The following MMP26 variants were observed in gnomAD, a reference collection of about 807,000 sequenced individuals.
MMP26 encodes the protein matrix metalloproteinase-26.
MMP26 carries 33 observed loss-of-function variants against 31.0 expected under a neutral mutation model. That is an observed-to-expected ratio of 1.06 (90% CI 0.81 to 1.42). The LOEUF is 1.42. Among genes scored for constraint, MMP26 ranks in the 40% most tolerant of loss-of-function variants. The pLI, the probability that MMP26 is intolerant of heterozygous loss-of-function variation, is 0.00. For missense variants in MMP26, 347 were observed against 316.1 expected, an observed-to-expected ratio of 1.10 and a Z score of -0.74; for synonymous variants, 122 against 114.9, an observed-to-expected ratio of 1.06 and a Z score of -0.40.
At chr11:4,866,649 A>G (rs1850238597) in intron 2 of MMP26, among the ~76,000 whole-genome samples, 1 of 152,174 alleles carries the variant, frequency 6.6e-6, no homozygotes, top group Non-Finnish European at 1.5e-5. Flanking sequence ...AAAAAGAGCA[A>G]AATTGGAGGC....
At chr11:4,961,226 A>G (rs546371187) in intron 2 of MMP26, among the ~76,000 whole-genome samples, 1 of 152,324 alleles carries the variant, frequency 6.6e-6, no homozygotes, top group East Asian at 1.9e-4. Context: ...CACAAAGTCA[A>G]TTTTGTGATA....
At chr11:4,764,484 G>C (rs1440803574) in intron 1 of MMP26, among the ~76,000 whole-genome samples, 1 of 152,158 alleles carries the variant, frequency 6.6e-6, no homozygotes, top group Non-Finnish European at 1.5e-5. Flanking sequence ...AGACAGTTAG[G>C]TATGCGACCC....
intron 2 of MMP26, among the ~76,000 whole-genome samples, chr11:4,983,503 G>A (rs961191683): frequency 5.3e-5 from 8 of 152,056 alleles, no homozygotes; most frequent in East Asian, 1.9e-4. Context: ...TCAAAATTAC[G>A]TTTTCTCATT....
intron 2 of MMP26, among the ~76,000 whole-genome samples, chr11:4,938,899 G>T (rs905911470): frequency 6.6e-6 from 1 of 152,056 alleles, no homozygotes; most frequent in African/African-American, 2.4e-5. Context: ...TGTATAGAAG[G>T]TAGTCTAAAT....
chr11:4,813,883 G>A (rs1849384309), intron 2 of MMP26, among the ~76,000 whole-genome samples: 1 of 151,866 alleles, frequency 6.6e-6, no homozygotes, highest in African/African-American at 2.4e-5. Flanking sequence ...AAGTCACAGA[G>A]AAAACATTCA....
chr11:4,837,036 A>G (rs944160804), intron 2 of MMP26, among the ~76,000 whole-genome samples: 1 of 152,102 alleles, frequency 6.6e-6, no homozygotes, highest in Non-Finnish European at 1.5e-5. Flanking sequence ...TACTACCTGT[A>G]TTTGCTTGAG....
At chr11:4,715,007 A>G (rs556488627) in intron 1 of MMP26, among the ~76,000 whole-genome samples, 1 of 152,126 alleles carries the variant, frequency 6.6e-6, no homozygotes, top group African/African-American at 2.4e-5. Flanking sequence ...TTCTTCCAGA[A>G]GCCACATATA....
chr11:4,783,121 C>T (rs958655487), intron 2 of MMP26, among the ~76,000 whole-genome samples: 5 of 152,182 alleles, frequency 3.3e-5, no homozygotes, highest in Admixed American at 2.0e-4. Context: ...ATCCTCCAGA[C>T]CCCAGAATGA....
intron 2 of MMP26, chr11:4,860,006 T>C (rs780729658): frequency 1.3e-5 from 6 of 470,916 alleles, no homozygotes; most frequent in Admixed American, 2.4e-5. Context: ...GCTAGCCGCA[T>C]CATGTTTTGG....
At chr11:4,748,475 C>G (rs937438346) in intron 1 of MMP26, among the ~76,000 whole-genome samples, 4 of 150,502 alleles carry the variant, frequency 2.7e-5, no homozygotes, top group African/African-American at 9.8e-5. Context: ...CAAAGCCAGG[C>G]ATGTACACAC....
chr11:4,991,872 T>G (rs1385551463), intron 6 of MMP26, 92 bp from the exon 7 acceptor site: 2 of 1,215,976 alleles, frequency 1.6e-6, no homozygotes, highest in Non-Finnish European at 2.2e-6. Context: ...CCTCGTTTTC[T>G]GTTCTCTCCT....
At chr11:4,863,541 A>AATGC (rs1361054953) in intron 2 of MMP26, 1 of 152,172 alleles carries the variant, frequency 6.6e-6, no homozygotes, top group Non-Finnish European at 1.5e-5. Context: ...TTTAATAAAA[A>AATGC]ATGCCCTAAG....
chr11:4,758,978 G>A (rs1004417585), intron 1 of MMP26, among the ~76,000 whole-genome samples: 3 of 151,706 alleles, frequency 2.0e-5, no homozygotes, highest in African/African-American at 7.3e-5. Flanking sequence ...GGGCATGGTG[G>A]TGCATGCCTG....
chr11:4,925,042 C>T (rs1851249440), intron 2 of MMP26, among the ~76,000 whole-genome samples: 2 of 152,146 alleles, frequency 1.3e-5, no homozygotes, highest in Non-Finnish European at 2.9e-5. Context: ...TAAAAGATAA[C>T]ATTTATTAAA....
At chr11:4,734,909 G>A (rs1848219464) in intron 1 of MMP26, among the ~76,000 whole-genome samples, 1 of 129,838 alleles carries the variant, frequency 7.7e-6, no homozygotes, top group African/African-American at 3.1e-5. Context: ...AGGGTGATGG[G>A]TCCCCAGTAT....
At chr11:4,723,714 A>G in intron 1 of MMP26, 6 of 1,046,428 alleles carry the variant, frequency 5.7e-6, no homozygotes, top group South Asian at 1.3e-5. Context: ...CCTGGCCCAG[A>G]GTGTCCAGTT....
chr11:4,985,370 T>C (rs1441641757), intron 2 of MMP26, among the ~76,000 whole-genome samples: 1 of 152,230 alleles, frequency 6.6e-6, no homozygotes, highest in Non-Finnish European at 1.5e-5. Context: ...ATACCATATT[T>C]GTCTAACAAC....
At chr11:4,795,450 A>G (rs1382226105) in intron 2 of MMP26, among the ~76,000 whole-genome samples, 1 of 152,234 alleles carries the variant, frequency 6.6e-6, no homozygotes, top group Non-Finnish European at 1.5e-5. Context: ...CCAAGTGATT[A>G]GAAAATTGTC....
rs147634593 is a variant in MMP26, at chr11:4,766,191, C to A, written c.-216-1079C>A. On this transcript the variant is annotated intron_variant, in intron 1 of 7. Transcript: ENST00000380390. ...GGGTTATAGTCTCTTTCTTATCTTA[C>A]TAGGCCCAGCACATTCCCAACAGAT... Among the ~76,000 whole-genome samples, 271 of 152,268 alleles carry A rather than the reference C, an allele frequency of 1.8e-3. 2 individuals are homozygous for A. Among genetic ancestry groups the A allele is most frequent in the African/African-American group, 6.2e-3 (259 of 41,536 alleles).
Sources: allele counts gnomAD v4.1 joint callset (sites outside exome capture counted in the v4.1 genomes callset), GRCh38; gene constraint gnomAD v4.1.1; transcripts MANE v1.5; gene names NCBI Gene and HGNC (gene_info 2026-07-23, HGNC 2026-07-21).